CPNE6: variants seen among roughly 807,000 people sequenced by gnomAD.
CPNE6 encodes copine 6, also known as copine-6.
In CPNE6, 33 loss-of-function variants were observed where a neutral mutation model predicts 71.5. The observed-to-expected ratio is 0.46, with a 90% CI of 0.35 to 0.62. The LOEUF (loss-of-function observed/expected upper bound fraction) is 0.62, where lower values mean the gene tolerates loss of function less well. CPNE6 is among the 20% of genes least tolerant of loss of function. The probability of loss-of-function intolerance (pLI) is 0.00; values close to 1 mark genes in which losing one functional copy is unlikely to be tolerated. For synonymous variants in CPNE6, 296 were observed against 293.0 expected, an observed-to-expected ratio of 1.01 and a Z score of -0.10; for missense variants, 576 against 747.3, an observed-to-expected ratio of 0.77 and a Z score of 2.67.
In CPNE6 at chr14:24,076,408, C is replaced by A. The variant is rs749995769; in HGVS notation, c.1107C>A (p.Asn369Lys). Reference sequence around the variant, plus strand: ...GCTTTGGGGCTCGAATCCCCCCCAACTTCGAGGTAGGCTAGATGCGAGGGA... The same window carrying A: ...GCTTTGGGGCTCGAATCCCCCCCAAATTCGAGGTAGGCTAGATGCGAGGGA... Residue 369 changes from asparagine to lysine, a missense_variant, in exon 13 of 18, where the codon AAC becomes AAA. Asn to Lys is a moderately conservative substitution (Grantham distance 94). Transcript: ENST00000397016. 6 of 1,614,220 alleles carry A rather than the reference C, an allele frequency of 3.7e-6. No homozygotes were observed. In the South Asian group the frequency reaches 6.6e-5, roughly 18 times the overall value.
chr14:24,075,718 G>T lies in CPNE6; in HGVS notation c.865-109G>T. 7.3e-7 allele frequency: 1 copy of T among 1,367,614 alleles called. No homozygotes were observed. Among genetic ancestry groups the T allele is most frequent in the Non-Finnish European group, 1.0e-6 (1 of 972,686 alleles). 84.7% of individuals were successfully genotyped at this position (1,367,614 alleles called of 1,614,324 possible). On this transcript the variant is annotated intron_variant, in intron 10 of 17. Transcript: ENST00000397016. The surrounding 1 kb of genome is among the most constrained non-coding windows in gnomAD (Gnocchi z 4.3). The stretch of plus-strand genomic sequence containing the variant: ...TGGGAACTGGAAACCACCCCCAACT[G>T]CAACCCAAAAAACTCTGGCTCCCCC...
chr14:24,072,377 T>C (rs2035928272), intron 2 of CPNE6: 1 of 152,462 alleles, frequency 6.6e-6, no homozygotes, highest in Non-Finnish European at 1.5e-5. Context: ...TCCTTTTCCA[T>C]CAGCTAGCCA....
rs766950533 is a variant in CPNE6, at chr14:24,075,200, G to A, written c.701G>A (p.Gly234Glu). Residue 234 changes from glycine to glutamate, a missense_variant, in exon 9 of 18, where the codon GGG becomes GAG. This residue lies in a region of CPNE6 where 214 missense variants were observed against 291.2 expected (regional missense o/e 0.73). Transcript: ENST00000397016. The surrounding 1 kb of genome is among the most constrained non-coding windows in gnomAD (Gnocchi z 4.3). ...CTGGTGTATGACTATGACTCCAGTG[G>A]GAAGCATGACTTCATCGGCGAGTTC... The A allele has an allele frequency of 1.2e-6, 2 of 1,614,056 alleles. No homozygotes were observed. The highest frequency in any genetic ancestry group is 1.7e-6 in the Non-Finnish European group (2 of 1,179,994).
rs763696018 is a variant in CPNE6 at position 24,077,586 on chromosome 14, A to G, written c.1537-7A>G. 6.3e-7 allele frequency: 1 copy of G among 1,576,560 alleles called. No homozygotes were observed. The highest frequency in any genetic ancestry group is 8.6e-7 in the Non-Finnish European group (1 of 1,159,712). On this transcript the variant is annotated splice_polypyrimidine_tract_variant and splice_region_variant and intron_variant, in intron 16 of 17. Transcript: ENST00000397016. The surrounding 1 kb of genome is among the most constrained non-coding windows in gnomAD (Gnocchi z 6.1). Reference sequence around the variant, plus strand: ...CACCCCTAACCACATCACTGTCCCCACCCTAGGCTGCCCCCTCTGCACTCG... The same window carrying G: ...CACCCCTAACCACATCACTGTCCCCGCCCTAGGCTGCCCCCTCTGCACTCG...
rs370315107 is a variant in CPNE6, at chr14:24,074,280, C to T, written c.424-11C>T. On this transcript the variant is annotated splice_polypyrimidine_tract_variant and intron_variant, in intron 5 of 17. Coordinates refer to ENST00000397016, the Ensembl canonical transcript of CPNE6. This position sits in a 1 kb window ranked among gnomAD's most constrained non-coding sequence, Gnocchi z 4.5. ...GTTAGGGGAGTCCTGCCACTTGTAT[C>T]CCCCTTGCAGATCGTGGCCGAGGAG... is the stretch of plus-strand genomic sequence containing the variant. 5.0e-6 allele frequency: 8 copies of T among 1,591,664 alleles called. No homozygotes were observed. The Admixed American group carries it at 1.4e-4, about 27-fold the overall frequency.
intron 1 of CPNE6, 197 bp from the exon 1 acceptor site, chr14:24,071,365 G>A: frequency 6.9e-7 from 1 of 1,443,160 alleles, no homozygotes; most frequent in East Asian, 2.5e-5. Context: ...GTGTCACTGT[G>A]TCTGTGGGGG....
Position 24,075,080 on chromosome 14 carries a change from T to G in CPNE6, c.673-92T>G, listed in dbSNP as rs532400919. 69 of 920,778 alleles carry G rather than the reference T, an allele frequency of 7.5e-5. No homozygotes were observed. The South Asian group carries it at 9.2e-4, about 12-fold the overall frequency. 57.0% of individuals were successfully genotyped at this position (920,778 alleles called of 1,614,324 possible). Reference sequence around the variant, plus strand: ...GGGCATGGAGACTCTAAGGCCCAAGTCCCCCTACTCCAAGTCCCCGAGTCC... The same window carrying G: ...GGGCATGGAGACTCTAAGGCCCAAGGCCCCCTACTCCAAGTCCCCGAGTCC... On this transcript the variant is annotated intron_variant, in intron 8 of 17. Coordinates refer to ENST00000397016, the Ensembl canonical transcript of CPNE6. This position sits in a 1 kb window ranked among gnomAD's most constrained non-coding sequence, Gnocchi z 4.3.
Position 24,073,974 on chromosome 14 carries a change from T to G in CPNE6, c.349-77T>G. ...CAACCCTTGCAGACACTCAGAGCATTTATTATTCCATCCCTTGTACGTGGC... is the reference window on the plus strand; with the variant it reads ...CAACCCTTGCAGACACTCAGAGCATGTATTATTCCATCCCTTGTACGTGGC... On this transcript the variant is annotated intron_variant, in intron 4 of 17. Coordinates refer to ENST00000397016, the Ensembl canonical transcript of CPNE6. The surrounding 1 kb of genome is among the most constrained non-coding windows in gnomAD (Gnocchi z 5.5). 7.5e-7 allele frequency: 1 copy of G among 1,330,028 alleles called. No homozygotes were observed. 82.4% of individuals were successfully genotyped at this position (1,330,028 alleles called of 1,614,324 possible).
At chr14:24,072,853 C>T (rs550595326) in intron 2 of CPNE6, 80 bp from the exon 2 acceptor site, 2 of 1,301,416 alleles carry the variant, frequency 1.5e-6, no homozygotes, top group East Asian at 3.0e-5. Context: ...GGGGTGGGGC[C>T]CAGGGACCCT....
chr14:24,071,393 C>T, intron 1 of CPNE6, 169 bp from the exon 1 acceptor site: 21 of 1,451,714 alleles, frequency 1.4e-5, no homozygotes, highest in Non-Finnish European at 1.8e-5. Context: ...TCTAAGCCAC[C>T]CCCAGCCTGC....
rs1358651481 is a variant in CPNE6 at position 24,075,188 on chromosome 14, A to G, written c.689A>G (p.Tyr230Cys). Residue 230 changes from tyrosine (Y) to cysteine (C), a missense_variant, in exon 9 of 18, where the codon TAT becomes TGT. Coordinates refer to ENST00000397016, the Ensembl canonical transcript of CPNE6. The surrounding 1 kb of genome is among the most constrained non-coding windows in gnomAD (Gnocchi z 4.3). Reference sequence around the variant, plus strand: ...CCTTCTCAGTTCCTGGTGTATGACTATGACTCCAGTGGGAAGCATGACTTC... The same window carrying G: ...CCTTCTCAGTTCCTGGTGTATGACTGTGACTCCAGTGGGAAGCATGACTTC... The G allele has an allele frequency of 1.2e-6, 2 of 1,613,618 alleles. No homozygotes were observed. Among genetic ancestry groups the G allele is most frequent in the African/African-American group, 2.7e-5 (2 of 74,796 alleles).
chr14:24,070,994 G>T lies in CPNE6; in HGVS notation c.-154G>T, dbSNP rs749754244. 5 of 1,535,660 alleles carry T rather than the reference G, an allele frequency of 3.3e-6. No individual in the cohort carries two copies. In the African/African-American group the frequency reaches 4.1e-5, roughly 13 times the overall value. On this transcript the variant is annotated 5_prime_UTR_variant, in exon 1 of 18. Coordinates refer to ENST00000397016, the Ensembl canonical transcript of CPNE6. ...CAGCAAGGTATGTGATGGCTTTTAAGGAGCACGGGAAGATCACATCCTGCT... is the reference window on the plus strand; with the variant it reads ...CAGCAAGGTATGTGATGGCTTTTAATGAGCACGGGAAGATCACATCCTGCT...
chr14:24,076,366 G>A (rs1367911594), exon 13 of CPNE6: 3 of 1,614,206 alleles, frequency 1.9e-6, no homozygotes, highest in Non-Finnish European at 1.7e-6. Flanking sequence ...CCAGTGATAA[G>A]CGGTTCCCAG....
At position 24,075,993 on chromosome 14, in the gene CPNE6, C is replaced by T; in HGVS notation, c.924+107C>T. ...GCCCCAACTTGGGCTGCTCATGAGC[C>T]TTCGCATTGTCAGCTTATGCACCCC... On this transcript the variant is annotated intron_variant, in intron 11 of 17. Coordinates refer to ENST00000397016, the Ensembl canonical transcript of CPNE6. The surrounding 1 kb of genome is among the most constrained non-coding windows in gnomAD (Gnocchi z 4.3). 2 of 1,515,622 alleles carry T rather than the reference C, an allele frequency of 1.3e-6. No individual in the cohort carries two copies. Among genetic ancestry groups the T allele is most frequent in the Non-Finnish European group, 1.8e-6 (2 of 1,097,354 alleles). The allele number at this position is 1,515,622 out of a possible 1,614,324, so 93.9% of individuals were successfully genotyped here. A position where few individuals can be genotyped will look rare whatever the true frequency, so the allele number is the denominator to read the frequency against.
chr14:24,076,388 G>C, exon 13 of CPNE6: 1 of 1,614,162 alleles, frequency 6.2e-7, no homozygotes, highest in Non-Finnish European at 8.5e-7. Flanking sequence ...TTTTGGCTTT[G>C]GGGCTCGAAT....
chr14:24,076,694 G>C (rs759019459), intron 14 of CPNE6, 137 bp downstream of exon 13: 1 of 1,453,644 alleles, frequency 6.9e-7, no homozygotes. Context: ...GAGGCTTCCA[G>C]GGCCGAGGCC....
At chr14:24,071,234 C>A in intron 1 of CPNE6, 1 of 1,046,382 alleles carries the variant, frequency 9.6e-7, no homozygotes, top group Non-Finnish European at 1.4e-6. Flanking sequence ...TATGTGTGAG[C>A]CTGTGAGTCG....
At chr14:24,072,029 A>C in intron 2 of CPNE6, 1 of 204,272 alleles carries the variant, frequency 4.9e-6, no homozygotes, top group Non-Finnish European at 1.0e-5. Flanking sequence ...TCGGGGAAGC[A>C]TGACATGGGA....
rs545891033 is a variant in CPNE6, at chr14:24,074,891, C to G, written c.672+96C>G. ...ATGTGGCAAGCCTCCCTCCTCTCCC[C>G]CAAGTGATAATCACATCCCACTGTG... is the stretch of plus-strand genomic sequence containing the variant. On this transcript the variant is annotated intron_variant, in intron 8 of 17. Coordinates refer to ENST00000397016, the Ensembl canonical transcript of CPNE6. This position sits in a 1 kb window ranked among gnomAD's most constrained non-coding sequence, Gnocchi z 4.5. The G allele has an allele frequency of 7.1e-5, 70 of 992,366 alleles. No individual in the cohort carries two copies. The African/African-American group carries it at 1.1e-3, about 15-fold the overall frequency. The allele number at this position is 992,366 out of a possible 1,614,324, so 61.5% of individuals were successfully genotyped here. A position where few individuals can be genotyped will look rare whatever the true frequency, so the allele number is the denominator to read the frequency against.
Sources: gnomAD v4.1 joint callset for allele counts on GRCh38, gnomAD v4.1.1 for gene constraint, gnomAD v4.1.1 regional missense constraint, Gnocchi (gnomAD v3.1) non-coding constraint, MANE v1.5 for transcripts, NCBI Gene and HGNC (gene_info 2026-07-23, HGNC 2026-07-21) for gene names.